CEP128: variants seen among roughly 807,000 people sequenced by gnomAD.
The protein encoded by CEP128 is centrosomal protein 128, also known as centrosomal protein 128kDa.
Under a neutral mutation model 156.7 loss-of-function variants are expected in CEP128, and 132 were observed. That is an observed-to-expected ratio of 0.84 (90% CI 0.73 to 0.97). CEP128 has a LOEUF of 0.97. Ranked by LOEUF, CEP128 falls within the 50% of genes least tolerant of loss-of-function variation. The pLI is 0.00. For missense variants in CEP128, 1,252 were observed against 1,281.9 expected, an observed-to-expected ratio of 0.98 and a Z score of 0.36; for synonymous variants, 469 against 448.9, an observed-to-expected ratio of 1.04 and a Z score of -0.57.
Position 80,862,887 on chromosome 14 carries a change from CA to C in CEP128, c.646-15del, listed in dbSNP as rs748049438. 6.3e-7 allele frequency: 1 copy of C among 1,584,534 alleles called. No homozygotes were observed. On this transcript the variant is annotated splice_polypyrimidine_tract_variant and intron_variant, in intron 8 of 24. Transcript: ENST00000555265. Reference sequence around the variant, plus strand: ...CCGATCTGAAACCTTAATAAGAATTCAGAGAAACAGCAGCATTATAGAGCTA... The same window carrying C: ...CCGATCTGAAACCTTAATAAGAATTCGAGAAACAGCAGCATTATAGAGCTA...
At chr14:80,560,625 G>A (rs891495870) in intron 20 of CEP128, among the ~76,000 whole-genome samples, 2 of 152,086 alleles carry the variant, frequency 1.3e-5, no homozygotes, top group African/African-American at 4.8e-5. Flanking sequence ...TCAGTGGGCT[G>A]AGGAAGGCAG....
chr14:80,595,673 C>A (rs1457244217), intron 19 of CEP128, among the ~76,000 whole-genome samples: 2 of 151,934 alleles, frequency 1.3e-5, no homozygotes, highest in African/African-American at 2.4e-5. Flanking sequence ...TCAAATAACC[C>A]AAAGGAAGGA....
At chr14:80,704,439 T>C (rs960676433) in intron 19 of CEP128, among the ~76,000 whole-genome samples, 1 of 151,642 alleles carries the variant, frequency 6.6e-6, no homozygotes, top group African/African-American at 2.4e-5. Flanking sequence ...GGAAGACGTA[T>C]ACACATTTTC....
At chr14:80,711,895 G>C (rs534491877) in intron 19 of CEP128, among the ~76,000 whole-genome samples, 1 of 151,734 alleles carries the variant, frequency 6.6e-6, no homozygotes, top group Non-Finnish European at 1.5e-5. Context: ...TAAAAAATTC[G>C]AGTGAAAATA....
chr14:80,863,888 C>A (rs1186973246), intron 8 of CEP128, among the ~76,000 whole-genome samples: 1 of 152,074 alleles, frequency 6.6e-6, no homozygotes, highest in Non-Finnish European at 1.5e-5. Flanking sequence ...ATAGCTCAAT[C>A]AAGTTTTAAA....
At chr14:80,758,261 C>G (rs8023233) in intron 17 of CEP128, among the ~76,000 whole-genome samples, 50,732 of 152,024 alleles carry the variant, frequency 0.33, 9,631 homozygotes, top group Non-Finnish European at 0.43. Flanking sequence ...GTGGCTCACG[C>G]CTGTAATCCC....
At chr14:80,821,105 G>C (rs1490577641) in intron 13 of CEP128, among the ~76,000 whole-genome samples, 1 of 152,158 alleles carries the variant, frequency 6.6e-6, no homozygotes, top group Non-Finnish European at 1.5e-5. Flanking sequence ...AAGATAATTT[G>C]TACTATTTGA....
At chr14:80,914,605 T>C (rs532873859) in intron 3 of CEP128, among the ~76,000 whole-genome samples, 197 bp from the exon 4 acceptor site, 27 of 152,308 alleles carry the variant, frequency 1.8e-4, no homozygotes, top group Non-Finnish European at 3.1e-4. Flanking sequence ...CCAACTGCAA[T>C]TTACTTGTGT....
At chr14:80,844,744 GTTTT>G (rs1886513116) in intron 9 of CEP128, among the ~76,000 whole-genome samples, 1 of 151,588 alleles carries the variant, frequency 6.6e-6, no homozygotes, top group Non-Finnish European at 1.5e-5. Context: ...GCCTAGATGT[GTTTT>G]TTGTTTTTTT....
At chr14:80,844,874 CA>C (rs2140097198) in intron 9 of CEP128, among the ~76,000 whole-genome samples, 1 of 93,876 alleles carries the variant, frequency 1.1e-5, no homozygotes, top group South Asian at 2.9e-4. Flanking sequence ...CTATTTTCTC[CA>C]ATGAACAAAC....
intron 13 of CEP128, among the ~76,000 whole-genome samples, chr14:80,828,343 G>A (rs1336889432): frequency 4.0e-5 from 6 of 151,898 alleles, no homozygotes; most frequent in Admixed American, 1.3e-4. Context: ...GGCTGGTTTC[G>A]AACTCCTGAC....
At chr14:80,692,426 T>G (rs1203230534) in intron 19 of CEP128, among the ~76,000 whole-genome samples, 1 of 152,188 alleles carries the variant, frequency 6.6e-6, no homozygotes, top group East Asian at 1.9e-4. Flanking sequence ...AAAGGAAGGA[T>G]GTATACTGTG....
intron 19 of CEP128, among the ~76,000 whole-genome samples, chr14:80,723,742 T>A (rs913928788): frequency 1.3e-5 from 2 of 152,190 alleles, no homozygotes; most frequent in Non-Finnish European, 2.9e-5. Context: ...CCTGGAAGCA[T>A]GAGCAGGGTT....
intron 19 of CEP128, among the ~76,000 whole-genome samples, chr14:80,647,109 A>G: frequency 1.1e-5 from 1 of 92,816 alleles, no homozygotes; most frequent in Admixed American, 1.3e-4. Context: ...ATACACATAC[A>G]CACACACACA....
At chr14:80,690,735 T>G (rs920705370) in intron 19 of CEP128, among the ~76,000 whole-genome samples, 1 of 152,216 alleles carries the variant, frequency 6.6e-6, no homozygotes, top group Non-Finnish European at 1.5e-5. Context: ...ACTTAGTGGC[T>G]TCCCCACTCC....
intron 19 of CEP128, among the ~76,000 whole-genome samples, chr14:80,616,926 A>G (rs1294761337): frequency 6.6e-6 from 1 of 152,222 alleles, no homozygotes; most frequent in Non-Finnish European, 1.5e-5. Flanking sequence ...TGTCTAGTCT[A>G]TCACAGAGCA....
intron 13 of CEP128, among the ~76,000 whole-genome samples, chr14:80,821,604 C>T (rs2044736): frequency 0.082 from 2,423 of 29,646 alleles, 23 homozygotes; most frequent in East Asian, 0.18. Flanking sequence ...CACACATACA[C>T]ACACACACAC....
intron 19 of CEP128, among the ~76,000 whole-genome samples, chr14:80,664,696 T>C (rs1427413840): frequency 6.6e-6 from 1 of 152,210 alleles, no homozygotes; most frequent in Non-Finnish European, 1.5e-5. Flanking sequence ...ACTTCAGGAA[T>C]GAATGCTTGA....
chr14:80,686,796 C>T (rs1237260634), intron 19 of CEP128, among the ~76,000 whole-genome samples: 1 of 151,620 alleles, frequency 6.6e-6, no homozygotes, highest in Non-Finnish European at 1.5e-5. Flanking sequence ...GACAAAACAA[C>T]CAACAAAGAT....
Sources: allele counts gnomAD v4.1 joint callset (sites outside exome capture counted in the v4.1 genomes callset), GRCh38; gene constraint gnomAD v4.1.1; transcripts MANE v1.5; gene names NCBI Gene and HGNC (gene_info 2026-07-23, HGNC 2026-07-21).